The following LARS1 variants were observed in gnomAD, a reference collection of about 807,000 sequenced individuals.
LARS1 encodes the protein leucine--tRNA ligase, cytoplasmic.
LARS1 carries 100 observed loss-of-function variants against 162.8 expected under a neutral mutation model. The ratio of observed to expected loss-of-function variants is 0.61; its 90% CI spans 0.52 to 0.73. LARS1 has a LOEUF of 0.73. Ranked by LOEUF, LARS1 falls within the 30% of genes least tolerant of loss-of-function variation. LARS1 has a pLI of 0.00. For synonymous variants in LARS1, 457 were observed against 462.8 expected, an observed-to-expected ratio of 0.99 and a Z score of 0.16; for missense variants, 1,258 against 1,408.9, an observed-to-expected ratio of 0.89 and a Z score of 1.71.
At chr5:146,127,828 T>G (rs1188385973) in intron 27 of LARS1, among the ~76,000 whole-genome samples, 1 of 152,154 alleles carries the variant, frequency 6.6e-6, no homozygotes, top group Non-Finnish European at 1.5e-5. Flanking sequence ...TTTACATATG[T>G]AAAAGCAGCT....
Position 146,177,648 on chromosome 5 carries a change from G to A in LARS1, c.24C>T (p.Ala8=). 6.3e-7 allele frequency: 1 copy of A among 1,593,178 alleles called. No homozygotes were observed. Among genetic ancestry groups the A allele is most frequent in the African/African-American group, 1.3e-5 (1 of 74,404 alleles). MAERKGT[A]KVDFLKKIEK... is the part of the protein sequence containing the mutation. ...CAATCTTCTTCAAAAAGTCCACTTT[G>A]GCTGTTCCTTTTCTTTCCTATTGGA... Residue 8 remains alanine (A), a synonymous_variant, in exon 2 of 32, where the codon GCC becomes GCT. Coordinates refer to ENST00000394434, the MANE Select transcript of LARS1 (RefSeq NM_020117.11).
At position 146,143,495 on chromosome 5, in the gene LARS1, A is replaced by G. The variant is rs2126481758; in HGVS notation, c.1794T>C (p.Thr598=). The part of the protein sequence containing the change: ...QWLIESLSDS[T]IYMAFYTVAH... ...CAACTGTGTAAAATGCCATGTAAAT[A>G]GTGGAGTCAGAAAGTGATTCAATCA... Residue 598 remains threonine (T), a synonymous_variant, in exon 19 of 32, where the codon ACT becomes ACC. Coordinates refer to ENST00000394434, the MANE Select transcript of LARS1 (RefSeq NM_020117.11). 6.2e-7 allele frequency: 1 copy of G among 1,614,090 alleles called. No homozygotes were observed. Among genetic ancestry groups the G allele is most frequent in the Admixed American group, 1.7e-5 (1 of 60,022 alleles).
Position 146,123,786 on chromosome 5 carries a change from T to C in LARS1, c.3096+196A>G, listed in dbSNP as rs149477318. ...TAAATTAAGAATTGATGAAATAAGA[T>C]GACATATCACTTTTTTTCCTGCAAC... On this transcript the variant is annotated intron_variant, in intron 29 of 31. Coordinates refer to ENST00000394434, the MANE Select transcript of LARS1 (RefSeq NM_020117.11). Among the ~76,000 whole-genome samples the C allele has an allele frequency of 4.6e-5, 7 of 151,902 alleles. No individual in the cohort carries two copies. In the East Asian group the frequency reaches 1.4e-3, roughly 29 times the overall value.
chr5:146,177,803 A>G, intron 1 of LARS1, 138 bp from the exon 2 acceptor site: 1 of 455,440 alleles, frequency 2.2e-6, no homozygotes. Flanking sequence ...ATGAACATTA[A>G]AAATTAGGGT....
intron 2 of LARS1, among the ~76,000 whole-genome samples, chr5:146,174,215 G>A (rs1039061188): frequency 1.2e-4 from 18 of 148,512 alleles, no homozygotes; most frequent in East Asian, 1.2e-3. Flanking sequence ...TTTGGGAGGC[G>A]GAGGCGGGCG....
At chr5:146,117,578 C>A (rs757742867) in intron 31 of LARS1, among the ~76,000 whole-genome samples, 5 of 152,142 alleles carry the variant, frequency 3.3e-5, no homozygotes, top group Admixed American at 1.3e-4. Flanking sequence ...CCACTGCACT[C>A]CAGCCTGGGT....
chr5:146,137,843 T>C, intron 21 of LARS1: 1 of 250,970 alleles, frequency 4.0e-6, no homozygotes, highest in South Asian at 4.0e-5. Flanking sequence ...TTGAAGGTGT[T>C]AGCTGGGCAT....
intron 15 of LARS1, among the ~76,000 whole-genome samples, chr5:146,146,838 C>T (rs1275638662): frequency 1.3e-5 from 2 of 151,652 alleles, no homozygotes; most frequent in African/African-American, 2.4e-5. Flanking sequence ...CTCAGCCTCC[C>T]GAATAGCTGG....
chr5:146,114,371 A>G, intron 31 of LARS1, 60 bp from the exon 32 acceptor site: 1 of 1,367,460 alleles, frequency 7.3e-7, no homozygotes, highest in Non-Finnish European at 1.0e-6. Flanking sequence ...ACCCTGGAGC[A>G]GTCTGAGAAC....
chr5:146,117,197 A>G (rs776674741), intron 31 of LARS1, among the ~76,000 whole-genome samples: 4 of 152,170 alleles, frequency 2.6e-5, no homozygotes, highest in African/African-American at 7.2e-5. Flanking sequence ...ATTTCAGTAC[A>G]ATTCTGCAGA....
chr5:146,135,771 G>A, intron 21 of LARS1, 107 bp from the exon 22 acceptor site: 1 of 718,342 alleles, frequency 1.4e-6, no homozygotes, highest in Non-Finnish European at 2.2e-6. Context: ...AAACAAAAAA[G>A]AATTCAAAAT....
At chr5:146,157,691 T>C in intron 9 of LARS1, 37 bp downstream of exon 9, 1 of 1,612,982 alleles carries the variant, frequency 6.2e-7, no homozygotes, top group South Asian at 1.1e-5. Context: ...TATCTGATGG[T>C]TCAGAAATGA....
intron 10 of LARS1, among the ~76,000 whole-genome samples, chr5:146,155,331 G>A (rs1753476538): frequency 6.6e-6 from 1 of 152,004 alleles, no homozygotes; most frequent in African/African-American, 2.4e-5. Flanking sequence ...TCTTAAACAA[G>A]TCTACCCAAT....
rs572172624 is a variant in LARS1, at chr5:146,168,799, C to T, written c.295-534G>A. Among the ~76,000 whole-genome samples, 6 of 151,406 alleles carry T rather than the reference C, an allele frequency of 4.0e-5. No individual in the cohort carries two copies. In the East Asian group the frequency reaches 7.8e-4, roughly 20 times the overall value. ...TTACTCAAAAACATTTATTCAACACCCAGAATATTCAATATAGTATACTAT... is the reference window on the plus strand; with the variant it reads ...TTACTCAAAAACATTTATTCAACACTCAGAATATTCAATATAGTATACTAT... On this transcript the variant is annotated intron_variant, in intron 4 of 31. Coordinates refer to ENST00000394434, the MANE Select transcript of LARS1 (RefSeq NM_020117.11).
intron 21 of LARS1, 126 bp downstream of exon 21, chr5:146,140,078 A>G: frequency 2.7e-6 from 2 of 731,286 alleles, no homozygotes; most frequent in South Asian, 1.6e-5. Context: ...AAGCTCTGGA[A>G]TTACAGGCAT....
intron 8 of LARS1, among the ~76,000 whole-genome samples, chr5:146,158,385 C>G (rs1753624028): frequency 6.6e-6 from 1 of 152,110 alleles, no homozygotes; most frequent in Non-Finnish European, 1.5e-5. Flanking sequence ...TCAACTCTCA[C>G]TTAGATAAGT....
intron 23 of LARS1, chr5:146,132,370 G>C (rs1486519594): frequency 6.6e-6 from 1 of 151,582 alleles, no homozygotes; most frequent in Non-Finnish European, 1.5e-5. Context: ...CTCTATTATT[G>C]TGCTTAGAAA....
chr5:146,180,212 T>G (rs1754772349), intron 1 of LARS1, among the ~76,000 whole-genome samples: 2 of 151,926 alleles, frequency 1.3e-5, no homozygotes, highest in African/African-American at 4.8e-5. Context: ...TGCAGCCTGG[T>G]TGATAGAGTG....
intron 15 of LARS1, among the ~76,000 whole-genome samples, chr5:146,146,122 T>C (rs1394095746): frequency 6.6e-6 from 1 of 151,994 alleles, no homozygotes; most frequent in Non-Finnish European, 1.5e-5. Context: ...CCCAACACTT[T>C]GGGAGGCCAA....
Sources: allele counts gnomAD v4.1 joint callset (sites outside exome capture counted in the v4.1 genomes callset), GRCh38; gene constraint gnomAD v4.1.1; transcripts MANE v1.5; gene names NCBI Gene and HGNC (gene_info 2026-07-23, HGNC 2026-07-21).